Variants in LGR5 observed in about 807,000 individuals in gnomAD.
The protein encoded by LGR5 is leucine rich repeat containing G protein-coupled receptor 5, also known as leucine-rich repeat-containing G protein-coupled receptor 5.
A neutral mutation model predicts 76.7 loss-of-function variants in LGR5; 54 were observed. The observed-to-expected ratio is 0.70, with a 90% CI of 0.57 to 0.88. The LOEUF (loss-of-function observed/expected upper bound fraction) is 0.88. LGR5 is among the 40% of genes least tolerant of loss of function. The probability of loss-of-function intolerance (pLI) is 0.00; values close to 1 mark genes in which losing one functional copy is unlikely to be tolerated. For synonymous variants in LGR5, 406 were observed against 421.9 expected (o/e 0.96, Z 0.46); for missense variants, 1,078 against 1,073.3 (o/e 1.00, Z -0.06).
intron 7 of LGR5, 106 bp downstream of exon 7, chr12:71,559,760 G>C (rs3765015): frequency 0.12 from 73,605 of 596,736 alleles, 6,763 homozygotes; most frequent in East Asian, 0.38. Context: ...AAAATTTTAA[G>C]TTTATATAAA....
intron 4 of LGR5, among the ~76,000 whole-genome samples, chr12:71,547,023 A>G (rs1188165590): frequency 6.6e-6 from 1 of 152,144 alleles, no homozygotes; most frequent in Non-Finnish European, 1.5e-5. Flanking sequence ...GCGCCTCTTG[A>G]GTAATTGCGG....
At chr12:71,443,441 C>G (rs927662443) in intron 1 of LGR5, among the ~76,000 whole-genome samples, 3 of 152,202 alleles carry the variant, frequency 2.0e-5, no homozygotes, top group Non-Finnish European at 2.9e-5. Flanking sequence ...CTTCTCTCCC[C>G]CTGCTGCCCC....
chr12:71,483,294 G>A (rs1207638921), intron 1 of LGR5, among the ~76,000 whole-genome samples: 3 of 152,112 alleles, frequency 2.0e-5, no homozygotes, highest in African/African-American at 7.2e-5. Flanking sequence ...AGATGAACCG[G>A]TGGAGTCAAG....
At chr12:71,497,591 T>C (rs1266979111) in intron 1 of LGR5, among the ~76,000 whole-genome samples, 1 of 152,210 alleles carries the variant, frequency 6.6e-6, no homozygotes, top group Non-Finnish European at 1.5e-5. Flanking sequence ...ACCTTGCCTT[T>C]TGAGATTCAC....
At chr12:71,453,252 G>A (rs1592454238) in intron 1 of LGR5, among the ~76,000 whole-genome samples, 1 of 152,164 alleles carries the variant, frequency 6.6e-6, no homozygotes, top group Admixed American at 6.5e-5. Context: ...ATAGACAAAA[G>A]ATTATGAGTT....
chr12:71,564,990 T>TA (rs1185213670), intron 8 of LGR5, among the ~76,000 whole-genome samples: 1 of 146,720 alleles, frequency 6.8e-6, no homozygotes, highest in African/African-American at 2.5e-5. Context: ...TGTGTATATA[T>TA]ATATACGTAC....
At position 71,440,172 on chromosome 12, in the gene LGR5, T is replaced by G. The variant is rs756666957; in HGVS notation, c.92T>G (p.Leu31Arg). Residue 31 changes from leucine to arginine, a missense_variant, in exon 1 of 18, where the codon CTG (leucine) becomes CGG (arginine). Transcript: ENST00000266674. The surrounding 1 kb of genome is among the most constrained non-coding windows in gnomAD (Gnocchi z 5.3). ...AGCTCTCCCAGGTCTGGTGTGTTGC[T>G]GAGGGGCTGCCCCACACACTGTCAT... ...GGSSPRSGVL[L>R]RGCPTHCHCE... is the part of the protein sequence containing the mutation. The G allele has an allele frequency of 6.2e-7, 1 of 1,611,666 alleles. No homozygotes were observed. The highest frequency in any genetic ancestry group is 8.5e-7 in the Non-Finnish European group (1 of 1,179,686).
At chr12:71,569,248 G>T (rs1795466) in intron 11 of LGR5, among the ~76,000 whole-genome samples, 9 of 152,146 alleles carry the variant, frequency 5.9e-5, no homozygotes, top group African/African-American at 2.2e-4. Flanking sequence ...CATAGGCATG[G>T]GCCAAGATTT....
At chr12:71,478,103 C>T (rs1873420537) in intron 1 of LGR5, among the ~76,000 whole-genome samples, 1 of 152,152 alleles carries the variant, frequency 6.6e-6, no homozygotes, top group East Asian at 1.9e-4. Context: ...CTTACACTGA[C>T]ATTTTGAATT....
chr12:71,555,782 T>C (rs756064155), intron 5 of LGR5, among the ~76,000 whole-genome samples: 5 of 152,148 alleles, frequency 3.3e-5, no homozygotes, highest in African/African-American at 1.2e-4. Context: ...CTCAAAGACC[T>C]AAAGACAGAA....
chr12:71,564,696 GTA>G (rs1878234195), intron 8 of LGR5, among the ~76,000 whole-genome samples: 1 of 13,308 alleles, frequency 7.5e-5, no homozygotes, highest in Non-Finnish European at 6.5e-4. Flanking sequence ...ATACATATAT[GTA>G]CACACACTGT....
intron 12 of LGR5, among the ~76,000 whole-genome samples, chr12:71,572,332 T>G (rs1401312802): frequency 6.6e-6 from 1 of 152,210 alleles, no homozygotes; most frequent in Non-Finnish European, 1.5e-5. Context: ...CCTGCCCATC[T>G]CAGCCTCCCA....
Position 71,559,636 on chromosome 12 carries a change from T to C in LGR5, c.767T>C (p.Leu256Pro), listed in dbSNP as rs775785165. The C allele has an allele frequency of 6.4e-7, 1 of 1,557,354 alleles. No homozygotes were observed. The highest frequency in any genetic ancestry group is 1.7e-5 in the Admixed American group (1 of 59,712). ...GAATTCCCCACTGCAATTAGGACAC[T>C]CTCCAACCTTAAAGAACTGTAAGTA... ...LDEFPTAIRTLSNLKELGFHS... is the reference protein window; with the variant it reads ...LDEFPTAIRTPSNLKELGFHS... Residue 256 changes from leucine (L) to proline (P), a missense_variant, in exon 7 of 18, where the codon CTC becomes CCC. Transcript: ENST00000266674.
chr12:71,476,801 T>A (rs55859002), intron 1 of LGR5, among the ~76,000 whole-genome samples: 2,379 of 152,260 alleles, frequency 0.016, 30 homozygotes, highest in South Asian at 0.031. Context: ...CAAGCAAAGT[T>A]ATGGAGAGAA....
intron 4 of LGR5, among the ~76,000 whole-genome samples, chr12:71,552,588 G>T (rs1419803451): frequency 6.6e-6 from 1 of 151,038 alleles, no homozygotes; most frequent in Admixed American, 6.6e-5. Flanking sequence ...AAAAAATTAC[G>T]CAGTTCCTTC....
chr12:71,536,252 A>G (rs897360971), intron 4 of LGR5, among the ~76,000 whole-genome samples: 1 of 152,236 alleles, frequency 6.6e-6, no homozygotes, highest in Non-Finnish European at 1.5e-5. Context: ...ATAATTACAT[A>G]TAGTTTGCTT....
rs781011477 is a variant in LGR5, at chr12:71,571,520, G to T, written c.1077G>T (p.Leu359=). Residue 359 remains leucine (L), a synonymous_variant, in exon 12 of 18, where the codon CTG becomes CTT. Transcript: ENST00000266674. ...TGCACCTTCTGTTTTTCAGAGATCTGTCTTACAACCTATTAGAAGATTTAC... is the reference window on the plus strand; with the variant it reads ...TGCACCTTCTGTTTTTCAGAGATCTTTCTTACAACCTATTAGAAGATTTAC... The part of the protein sequence containing the change: ...NQLPNLQVLD[L]SYNLLEDLPS... 1 of 1,611,474 alleles carries T rather than the reference G, an allele frequency of 6.2e-7. No individual in the cohort carries two copies. The highest frequency in any genetic ancestry group is 8.5e-7 in the Non-Finnish European group (1 of 1,178,190).
At chr12:71,580,222 A>C (rs1168146128) in intron 15 of LGR5, 56 bp from the exon 16 acceptor site, 1 of 1,484,102 alleles carries the variant, frequency 6.7e-7, no homozygotes, top group East Asian at 2.3e-5. Context: ...CATGAACACT[A>C]TATTTAATTA....
intron 1 of LGR5, among the ~76,000 whole-genome samples, chr12:71,444,777 T>G (rs1184318701): frequency 1.3e-5 from 2 of 152,146 alleles, no homozygotes; most frequent in African/African-American, 2.4e-5. Context: ...AGTTAAGTAT[T>G]TTATCTGAAC....
Sources: allele counts gnomAD v4.1 joint callset (sites outside exome capture counted in the v4.1 genomes callset), GRCh38; gene constraint gnomAD v4.1.1; non-coding constraint Gnocchi (gnomAD v3.1); transcripts MANE v1.5; gene names NCBI Gene and HGNC (gene_info 2026-07-23, HGNC 2026-07-21).